TUSC3: variants seen among roughly 807,000 people sequenced by gnomAD.
The protein encoded by TUSC3 is tumor suppressor candidate 3.
TUSC3 carries 45 observed loss-of-function variants against 44.8 expected under a neutral mutation model. That is an observed-to-expected ratio of 1.00 (90% CI 0.79 to 1.29). The LOEUF is 1.29. TUSC3 is among the 50% of genes most tolerant of loss of function. TUSC3 has a pLI of 0.00. For synonymous variants in TUSC3, 212 were observed against 152.9 expected, an observed-to-expected ratio of 1.39 and a Z score of -2.85; for missense variants, 519 against 437.9, an observed-to-expected ratio of 1.19 and a Z score of -1.65.
chr8:15,783,597 C>T, the TUSC3 span, among the ~76,000 whole-genome samples: 3 of 152,052 alleles, frequency 2.0e-5, no homozygotes, highest in African/African-American at 7.2e-5. Flanking sequence ...TGATTTTTGA[C>T]AAAAGTGTCA....
chr8:15,448,437 T>G (rs980934631), intron 1 of TUSC3, among the ~76,000 whole-genome samples: 7 of 152,208 alleles, frequency 4.6e-5, no homozygotes, highest in Non-Finnish European at 1.0e-4. Flanking sequence ...AAATTTATAC[T>G]GATAAAAGGT....
chr8:15,659,615 G>C lies in TUSC3; in HGVS notation c.535G>C (p.Ala179Pro). The C allele has an allele frequency of 6.2e-7, 1 of 1,613,308 alleles. No individual in the cohort carries two copies. The highest frequency in any genetic ancestry group is 8.5e-7 in the Non-Finnish European group (1 of 1,179,664). The change falls in exon 4 of 11, where the codon GCA becomes CCA. Residue 179 changes from alanine (A) to proline (P), a missense_variant. Transcript: ENST00000503731. ...QRIGFAAEQLAKWIADRTDVH... is the reference protein window; with the variant it reads ...QRIGFAAEQLPKWIADRTDVH... ...AATTGGATTTGCAGCTGAGCAACTA[G>C]CAAAGTGGATTGCTGACAGAACGGA...
chr8:15,717,714 C>A (rs982467243), intron 6 of TUSC3, among the ~76,000 whole-genome samples: 3 of 151,996 alleles, frequency 2.0e-5, no homozygotes, highest in African/African-American at 7.2e-5. Flanking sequence ...CTAAATTGGC[C>A]ACCAAAATTC....
chr8:15,759,416 TC>T (rs1812077411), intron 10 of TUSC3, among the ~76,000 whole-genome samples: 1 of 151,946 alleles, frequency 6.6e-6, no homozygotes. Flanking sequence ...ATACATTTGT[TC>T]CAGAACACTG....
chr8:15,687,082 A>C (rs1029497617), intron 6 of TUSC3, among the ~76,000 whole-genome samples: 1 of 150,988 alleles, frequency 6.6e-6, no homozygotes, highest in African/African-American at 2.5e-5. Flanking sequence ...CAAAAAAAAC[A>C]AAAAACAAAA....
At chr8:15,633,682 G>A (rs975828181) in intron 2 of TUSC3, among the ~76,000 whole-genome samples, 14 of 152,288 alleles carry the variant, frequency 9.2e-5, no homozygotes, top group Middle Eastern at 6.8e-3. Context: ...AATTTAGCTG[G>A]AAGCCAGGGA....
chr8:15,576,184 T>G (rs1803097335), intron 1 of TUSC3, among the ~76,000 whole-genome samples: 1 of 151,408 alleles, frequency 6.6e-6, no homozygotes, highest in African/African-American at 2.4e-5. Flanking sequence ...AGAGACTGAA[T>G]TATTAGTTCA....
chr8:15,736,734 A>G (rs1447853098), intron 7 of TUSC3, among the ~76,000 whole-genome samples: 4 of 152,120 alleles, frequency 2.6e-5, no homozygotes, highest in African/African-American at 9.7e-5. Context: ...TTTTCTATCA[A>G]TCAGTAGTCA....
intron 1 of TUSC3, among the ~76,000 whole-genome samples, chr8:15,563,044 A>T (rs981518200): frequency 6.6e-6 from 1 of 152,070 alleles, no homozygotes; most frequent in African/African-American, 2.4e-5. Context: ...TATTTCATTT[A>T]TGCCTACTAA....
In TUSC3 at chr8:15,737,270, C is replaced by CT. The variant is rs1264340158; in HGVS notation, c.863-6267dup. Among the ~76,000 whole-genome samples the CT allele has an allele frequency of 2.6e-5, 4 of 152,168 alleles. No homozygotes were observed. In the East Asian group the frequency reaches 7.7e-4, roughly 29 times the overall value. On this transcript the variant is annotated intron_variant, in intron 7 of 10. Transcript: ENST00000503731. ...AATGTGCTAACATTTTTTTCAACGT[C>CT]TATTTACATTTATCTATCTTTAAAT...
chr8:15,693,862 TG>T, intron 6 of TUSC3, among the ~76,000 whole-genome samples: 1 of 152,252 alleles, frequency 6.6e-6, no homozygotes. Context: ...TCTTCATTTC[TG>T]AATGAGTTAT....
At position 15,730,687 on chromosome 8, in the gene TUSC3, C is replaced by T; in HGVS notation, c.820C>T (p.Gln274Ter). ...ATAGAGCTACATTCATGGGAGCAGC[C>T]AGGCTCAGTTTGTGGCAGAATCACA... is the stretch of plus-strand genomic sequence containing the variant. ...GQVSYIHGSS[Q>*]AQFVAESHII... The change falls in exon 7 of 11, where the codon CAG becomes TAG. Residue 274 changes from glutamine to a stop codon, truncating the protein, a stop_gained. Coordinates refer to ENST00000503731, the MANE Select transcript of TUSC3 (RefSeq NM_006765.4). LOFTEE classifies it high-confidence loss of function. 6.2e-7 allele frequency: 1 copy of T among 1,613,118 alleles called. No homozygotes were observed. Among genetic ancestry groups the T allele is most frequent in the Non-Finnish European group, 8.5e-7 (1 of 1,179,398 alleles).
intron 1 of TUSC3, among the ~76,000 whole-genome samples, chr8:15,421,090 A>G (rs1347118370): frequency 6.6e-6 from 1 of 152,180 alleles, no homozygotes; most frequent in African/African-American, 2.4e-5. Flanking sequence ...GTCATGTCCA[A>G]ATTAATACAT....
At chr8:15,525,096 A>G (rs1302799560) in intron 2 of TUSC3, among the ~76,000 whole-genome samples, 1 of 152,238 alleles carries the variant, frequency 6.6e-6, no homozygotes, top group Non-Finnish European at 1.5e-5. Flanking sequence ...TTAAAGATGT[A>G]AAGGTACAAG....
intron 6 of TUSC3, among the ~76,000 whole-genome samples, chr8:15,719,357 G>C (rs979964106): frequency 6.6e-6 from 1 of 151,948 alleles, no homozygotes; most frequent in African/African-American, 2.4e-5. Flanking sequence ...AGATGCCAAA[G>C]ATGTCTCTGT....
chr8:15,730,645 TC>T lies in TUSC3; in HGVS notation c.799-20del. The stretch of plus-strand genomic sequence containing the variant: ...TATGAGGCTTTCTCAGACTGTAATT[TC>T]TGTTTGTCTTCTTTTATAGAGCTAC... On this transcript the variant is annotated intron_variant, in intron 6 of 10. Transcript: ENST00000503731. The T allele has an allele frequency of 6.2e-7, 1 of 1,611,738 alleles. No individual in the cohort carries two copies. The highest frequency in any genetic ancestry group is 1.7e-4 in the Middle Eastern group (1 of 6,056).
chr8:15,709,009 A>G (rs1689316519), intron 6 of TUSC3, among the ~76,000 whole-genome samples: 1 of 151,920 alleles, frequency 6.6e-6, no homozygotes. Context: ...TTATATTTGA[A>G]TTGGTTCAAA....
chr8:15,762,297 TCTAA>T (rs1434733054), intron 10 of TUSC3, among the ~76,000 whole-genome samples: 42 of 151,970 alleles, frequency 2.8e-4, no homozygotes, highest in Admixed American at 4.6e-4. Flanking sequence ...AAAGGATACA[TCTAA>T]CTAACAAGTA....
intron 2 of TUSC3, among the ~76,000 whole-genome samples, chr8:15,638,515 C>CTTT (rs547743726): frequency 2.1e-4 from 17 of 81,102 alleles, no homozygotes; most frequent in Non-Finnish European, 2.6e-4. Flanking sequence ...TTCTTTTTTT[C>CTTT]TTTTTTTTTT....
Sources: gnomAD v4.1 joint callset for allele counts (sites outside exome capture counted in the v4.1 genomes callset) on GRCh38, gnomAD v4.1.1 for gene constraint, MANE v1.5 for transcripts, NCBI Gene and HGNC (gene_info 2026-07-23, HGNC 2026-07-21) for gene names.